The following ZCCHC14 variants were observed in gnomAD, a reference collection of about 807,000 sequenced individuals.
ZCCHC14 encodes zinc finger CCHC-type containing 14, also known as zinc finger CCHC domain-containing protein 14.
ZCCHC14 carries 16 observed loss-of-function variants against 85.0 expected under a neutral mutation model. The ratio of observed to expected loss-of-function variants is 0.19; its 90% CI spans 0.13 to 0.29. The LOEUF is 0.29. Ranked by LOEUF, ZCCHC14 falls within the 10% of genes least tolerant of loss-of-function variation. The probability of loss-of-function intolerance (pLI) is 1.00; values close to 1 mark genes in which losing one functional copy is unlikely to be tolerated. For synonymous variants in ZCCHC14, 775 were observed against 630.7 expected (o/e 1.23, Z -3.43); for missense variants, 1,303 against 1,443.5 (o/e 0.90, Z 1.58).
intron 2 of ZCCHC14, among the ~76,000 whole-genome samples, chr16:87,455,535 C>T (rs989268075): frequency 2.0e-5 from 3 of 152,286 alleles, no homozygotes; most frequent in Middle Eastern, 3.4e-3. Context: ...AGCTCTTCTA[C>T]GATGAAGAAC....
At chr16:87,431,994 G>GT (rs1909687774) in intron 3 of ZCCHC14, among the ~76,000 whole-genome samples, 1 of 152,186 alleles carries the variant, frequency 6.6e-6, no homozygotes, top group Admixed American at 6.5e-5. Flanking sequence ...AACGCACAGC[G>GT]TAACAACTGC....
At chr16:87,467,022 G>GT in intron 1 of ZCCHC14, 1 of 414,340 alleles carries the variant, frequency 2.4e-6, no homozygotes, top group South Asian at 2.6e-5. Context: ...GAGGTCACGT[G>GT]TTTTTCATGA....
chr16:87,443,019 C>G (rs4598916), intron 2 of ZCCHC14, among the ~76,000 whole-genome samples: 88,816 of 152,100 alleles, frequency 0.58, 26,955 homozygotes, highest in Non-Finnish European at 0.67. Flanking sequence ...GAACGGGAAG[C>G]AAACTTGGAC....
chr16:87,487,681 G>GC (rs1912572776), intron 1 of ZCCHC14, among the ~76,000 whole-genome samples: 1 of 152,234 alleles, frequency 6.6e-6, no homozygotes, highest in African/African-American at 2.4e-5. Context: ...AAGACAAAGA[G>GC]CCTATTAACC....
rs534774181 is a variant in ZCCHC14, at chr16:87,455,290, C to T, written c.694+4718G>A. On this transcript the variant is annotated intron_variant, in intron 2 of 12. Transcript: ENST00000671377. ...GCAACAAGAGTGAAACTCCGTCCCC[C>T]CCCGCCCCCGCAAAAAAAAATACTG... Among the ~76,000 whole-genome samples, 4 of 148,100 alleles carry T rather than the reference C, an allele frequency of 2.7e-5. No individual in the cohort carries two copies. The East Asian group carries it at 7.7e-4, about 29-fold the overall frequency.
chr16:87,487,619 G>A (rs955036726), intron 1 of ZCCHC14, among the ~76,000 whole-genome samples: 2 of 152,240 alleles, frequency 1.3e-5, no homozygotes, highest in African/African-American at 4.8e-5. Context: ...CGACACGTGC[G>A]CCAGCGGTCC....
chr16:87,412,000 CTGA>C lies in ZCCHC14; in HGVS notation c.2718_2720del (p.His906del). On this transcript the variant is annotated inframe_deletion, in exon 12 of 13. Transcript: ENST00000671377. ...CGGGCTGCGGGGGTGCCGGGGGCTG[CTGA>C]TGGTGGTGGTGGTGGTGGTGGTTCG... The C allele has an allele frequency of 6.2e-7, 1 of 1,609,680 alleles. No individual in the cohort carries two copies. The highest frequency in any genetic ancestry group is 1.1e-5 in the South Asian group (1 of 91,022).
At chr16:87,454,973 A>G (rs1910882046) in intron 2 of ZCCHC14, among the ~76,000 whole-genome samples, 1 of 152,200 alleles carries the variant, frequency 6.6e-6, no homozygotes, top group Non-Finnish European at 1.5e-5. Context: ...ATCAGCCACC[A>G]ATGCAACATC....
chr16:87,417,949 T>C (rs752293922), intron 7 of ZCCHC14: 2 of 595,368 alleles, frequency 3.4e-6, no homozygotes, highest in Non-Finnish European at 5.9e-6. Flanking sequence ...ATTTCTGTAA[T>C]GCATGTCTGT....
At position 87,410,275 on chromosome 16, in the gene ZCCHC14, A is replaced by G; in HGVS notation, c.*5T>C. On this transcript the variant is annotated 3_prime_UTR_variant, in exon 13 of 13. Transcript: ENST00000671377. ...TTAATAACGTTCTGTTGCCAGAGAA[A>G]AATATCAATCTGTGGAGTCCAGACT... is the stretch of plus-strand genomic sequence containing the variant. 1 of 769,530 alleles carries G rather than the reference A, an allele frequency of 1.3e-6. No homozygotes were observed. The highest frequency in any genetic ancestry group is 1.4e-5 in the South Asian group (1 of 72,184). The allele number at this position is 769,530 out of a possible 1,614,324, so 47.7% of individuals were successfully genotyped here.
intron 1 of ZCCHC14, chr16:87,471,070 G>T (rs553509693): frequency 6.6e-6 from 1 of 151,862 alleles, no homozygotes; most frequent in African/African-American, 2.4e-5. Flanking sequence ...GGCACATCAG[G>T]GGTTAACATG....
At chr16:87,479,804 C>A (rs529523319) in intron 1 of ZCCHC14, among the ~76,000 whole-genome samples, 2 of 152,178 alleles carry the variant, frequency 1.3e-5, no homozygotes, top group South Asian at 4.1e-4. Context: ...CATGATGCCA[C>A]GCGGCTTCTT....
chr16:87,475,925 CA>C (rs1911985400), intron 1 of ZCCHC14, among the ~76,000 whole-genome samples: 1 of 151,994 alleles, frequency 6.6e-6, no homozygotes, highest in South Asian at 2.1e-4. Context: ...AAGATAAATT[CA>C]ATAAACACTT....
chr16:87,422,960 C>G (rs1005634681), intron 4 of ZCCHC14, among the ~76,000 whole-genome samples: 2 of 152,122 alleles, frequency 1.3e-5, no homozygotes, highest in African/African-American at 4.8e-5. Context: ...TCTTCAATGC[C>G]CAAGAGGCCA....
chr16:87,452,579 C>T (rs1910758121), intron 2 of ZCCHC14, among the ~76,000 whole-genome samples: 1 of 152,084 alleles, frequency 6.6e-6, no homozygotes, highest in Non-Finnish European at 1.5e-5. Context: ...AACAGAGAGG[C>T]AAGGGGAAAG....
In ZCCHC14 at chr16:87,412,825, C is replaced by T. The variant is rs768989430; in HGVS notation, c.1896G>A (p.Pro632=). The T allele has an allele frequency of 6.8e-6, 11 of 1,609,872 alleles. No homozygotes were observed. Among genetic ancestry groups the T allele is most frequent in the South Asian group, 5.5e-5 (5 of 90,566 alleles). The change falls in exon 12 of 13, where the codon CCG becomes CCA. Residue 632 remains proline, a synonymous_variant. Coordinates refer to ENST00000671377, the MANE Select transcript of ZCCHC14 (RefSeq NM_015144.3). ...TGTGTGAGGCTGCGCTCAGCATCTG[C>T]GGGGGCAGGGGGTGGTGGCCTGATG... is the stretch of plus-strand genomic sequence containing the variant. ...SNPSGHHPLP[P]QMLSAASHIT...
chr16:87,476,051 G>C (rs563763643), intron 1 of ZCCHC14, among the ~76,000 whole-genome samples: 1 of 152,344 alleles, frequency 6.6e-6, no homozygotes, highest in East Asian at 1.9e-4. Flanking sequence ...CTGGAGGAGA[G>C]ACAGGGTCTC....
chr16:87,434,380 C>T (rs1017565051), intron 2 of ZCCHC14, among the ~76,000 whole-genome samples: 7 of 152,238 alleles, frequency 4.6e-5, no homozygotes, highest in African/African-American at 9.6e-5. Context: ...ACTTCCCAGG[C>T]GCCAGGAGCC....
chr16:87,440,973 G>A (rs993150106), intron 2 of ZCCHC14, among the ~76,000 whole-genome samples: 1 of 150,498 alleles, frequency 6.6e-6, no homozygotes, highest in African/African-American at 2.4e-5. Flanking sequence ...TCTTCTATCT[G>A]CTATTATACA....
Sources: gnomAD v4.1 joint callset for allele counts (sites outside exome capture counted in the v4.1 genomes callset) on GRCh38, gnomAD v4.1.1 for gene constraint, MANE v1.5 for transcripts, NCBI Gene and HGNC (gene_info 2026-07-23, HGNC 2026-07-21) for gene names.